WWOX: variants seen among roughly 807,000 people sequenced by gnomAD.
The protein encoded by WWOX is WW domain-containing oxidoreductase.
Under a neutral mutation model 46.2 loss-of-function variants are expected in WWOX, and 69 were observed. That is an observed-to-expected ratio of 1.49 (90% CI 1.23 to 1.82). The LOEUF is 1.82. Among genes scored for constraint, WWOX ranks in the 40% most tolerant of loss-of-function variants. WWOX has a pLI of 0.00. For synonymous variants in WWOX, 359 were observed against 202.6 expected (o/e 1.77, Z -6.56); for missense variants, 919 against 542.6 (o/e 1.69, Z -6.89).
intron 8 of WWOX, among the ~76,000 whole-genome samples, chr16:79,041,847 A>G (rs1477515290): frequency 6.6e-6 from 1 of 152,058 alleles, no homozygotes; most frequent in East Asian, 1.9e-4. Flanking sequence ...AATAACTTAC[A>G]TTCAACCTCT....
At chr16:79,100,040 C>T (rs2049159894) in intron 8 of WWOX, among the ~76,000 whole-genome samples, 1 of 152,184 alleles carries the variant, frequency 6.6e-6, no homozygotes, top group South Asian at 2.1e-4. Flanking sequence ...TTAAAATCTT[C>T]CAAATGATTG....
intron 8 of WWOX, among the ~76,000 whole-genome samples, chr16:78,906,368 T>A (rs1035956800): frequency 1.1e-4 from 17 of 152,304 alleles, no homozygotes; most frequent in Middle Eastern, 3.4e-3. Context: ...CTCTTTGATA[T>A]GCAAATATAG....
chr16:79,127,835 C>G (rs937887053), intron 8 of WWOX, among the ~76,000 whole-genome samples: 4 of 152,122 alleles, frequency 2.6e-5, no homozygotes, highest in Non-Finnish European at 4.4e-5. Context: ...AGTGAATGCT[C>G]TCAAAATGTG....
intron 5 of WWOX, chr16:78,355,646 G>A: frequency 1.6e-6 from 1 of 642,228 alleles, no homozygotes; most frequent in Admixed American, 1.9e-5. Context: ...AGAGCTTCGA[G>A]GCAGATTACA....
chr16:78,327,096 C>A (rs769084880), intron 5 of WWOX, among the ~76,000 whole-genome samples: 10 of 152,276 alleles, frequency 6.6e-5, no homozygotes, highest in East Asian at 5.8e-4. Context: ...AAATCCTGAC[C>A]TTGTGACTTT....
chr16:78,433,442 G>C (rs1401175960), intron 8 of WWOX, among the ~76,000 whole-genome samples: 1 of 152,146 alleles, frequency 6.6e-6, no homozygotes, highest in African/African-American at 2.4e-5. Flanking sequence ...AATGAAGAAA[G>C]CGTATTTTCC....
intron 5 of WWOX, among the ~76,000 whole-genome samples, chr16:78,363,070 C>G (rs1330606087): frequency 6.6e-6 from 1 of 152,110 alleles, no homozygotes; most frequent in Non-Finnish European, 1.5e-5. Context: ...CCGTATTCCA[C>G]CATAAAATCT....
chr16:78,100,554 A>G (rs972994386), intron 1 of WWOX, among the ~76,000 whole-genome samples: 3 of 152,216 alleles, frequency 2.0e-5, no homozygotes, highest in Admixed American at 2.0e-4. Context: ...CCTAGCCAGG[A>G]GTATTTTTTA....
intron 8 of WWOX, among the ~76,000 whole-genome samples, chr16:78,928,615 A>G (rs573143819): frequency 1.3e-5 from 2 of 152,244 alleles, no homozygotes; most frequent in South Asian, 4.2e-4. Context: ...CACTTTCTAA[A>G]TAGATGAAAT....
intron 8 of WWOX, among the ~76,000 whole-genome samples, chr16:79,083,776 T>G (rs1486828625): frequency 2.6e-5 from 4 of 152,186 alleles, no homozygotes; most frequent in Non-Finnish European, 4.4e-5. Context: ...AGCTCCGGAG[T>G]TCCCATCTGA....
At chr16:78,696,478 T>G (rs1454740171) in intron 8 of WWOX, among the ~76,000 whole-genome samples, 2 of 152,134 alleles carry the variant, frequency 1.3e-5, no homozygotes, top group Admixed American at 1.3e-4. Context: ...TTTCGATTTT[T>G]TTTTTTCACC....
At chr16:78,807,236 A>G (rs1387509847) in intron 8 of WWOX, among the ~76,000 whole-genome samples, 1 of 152,220 alleles carries the variant, frequency 6.6e-6, no homozygotes, top group Non-Finnish European at 1.5e-5. Flanking sequence ...CTGAGTCGCA[A>G]CATGCCACTG....
intron 8 of WWOX, among the ~76,000 whole-genome samples, chr16:78,960,583 G>C (rs2046253436): frequency 6.6e-6 from 1 of 152,220 alleles, no homozygotes; most frequent in Non-Finnish European, 1.5e-5. Context: ...ATGACTGTCA[G>C]GCATGGAACA....
At chr16:79,045,976 A>G (rs1356077888) in intron 8 of WWOX, among the ~76,000 whole-genome samples, 1 of 150,864 alleles carries the variant, frequency 6.6e-6, no homozygotes, top group African/African-American at 2.4e-5. Context: ...TAATTTTTGT[A>G]TTTTTAGTAG....
Position 78,730,343 on chromosome 16 carries a change from C to T in WWOX, c.1056+297591C>T, listed in dbSNP as rs116825519. On this transcript the variant is annotated intron_variant, in intron 8 of 8. Coordinates refer to ENST00000566780, the MANE Select transcript of WWOX (RefSeq NM_016373.4). ...TCCTTCCTTTTCTTCCCATTTCCTT[C>T]CTTCCAGCATTATCATATAAGCCAC... Among the ~76,000 whole-genome samples, 1,290 of 152,150 alleles carry T rather than the reference C, an allele frequency of 8.5e-3. 18 individuals carry two copies. Among genetic ancestry groups the T allele is most frequent in the African/African-American group, 0.028 (1,158 of 41,498 alleles).
intron 8 of WWOX, among the ~76,000 whole-genome samples, chr16:78,533,568 T>G (rs929177085): frequency 6.6e-6 from 1 of 152,142 alleles, no homozygotes; most frequent in Non-Finnish European, 1.5e-5. Context: ...GGCTTGAGCA[T>G]TTGAAAGACT....
intron 8 of WWOX, among the ~76,000 whole-genome samples, chr16:79,166,937 A>G (rs1049808639): frequency 4.6e-5 from 7 of 152,068 alleles, no homozygotes; most frequent in African/African-American, 7.3e-5. Flanking sequence ...ACTTCATCAT[A>G]TATATAATAA....
At chr16:78,698,139 A>G (rs188388929) in intron 8 of WWOX, among the ~76,000 whole-genome samples, 39 of 152,302 alleles carry the variant, frequency 2.6e-4, no homozygotes, top group African/African-American at 8.4e-4. Flanking sequence ...TTTCTCTTCT[A>G]TGAAATTCTT....
At chr16:78,654,327 T>A (rs1410838985) in intron 8 of WWOX, among the ~76,000 whole-genome samples, 1 of 152,206 alleles carries the variant, frequency 6.6e-6, no homozygotes, top group South Asian at 2.1e-4. Context: ...TAAAATAATC[T>A]TACAATCATC....
Sources: gnomAD v4.1 joint callset for allele counts (sites outside exome capture counted in the v4.1 genomes callset) on GRCh38, gnomAD v4.1.1 for gene constraint, MANE v1.5 for transcripts, NCBI Gene and HGNC (gene_info 2026-07-23, HGNC 2026-07-21) for gene names.